The following ADGRB3 variants were observed in gnomAD, a reference collection of about 807,000 sequenced individuals.
ADGRB3 encodes the protein brain-specific angiogenesis inhibitor 3.
Under a neutral mutation model 193.4 loss-of-function variants are expected in ADGRB3, and 37 were observed. That is an observed-to-expected ratio of 0.19 (90% CI 0.15 to 0.25). ADGRB3 has a LOEUF of 0.25. Ranked by LOEUF, ADGRB3 falls within the 10% of genes least tolerant of loss-of-function variation. ADGRB3 has a pLI of 1.00. For missense variants in ADGRB3, 1,637 were observed against 1,852.9 expected, an observed-to-expected ratio of 0.88 and a Z score of 2.14; for synonymous variants, 690 against 644.2, an observed-to-expected ratio of 1.07 and a Z score of -1.08.
chr6:68,936,714 A>G lies in ADGRB3; in HGVS notation c.1030+34A>G, dbSNP rs747452133. ...AGCAGCAACTACAACTGTGGATGTT[A>G]TTGAATTGTGTCATGCTACGCATTT... is the stretch of plus-strand genomic sequence containing the variant. On this transcript the variant is annotated intron_variant, in intron 5 of 31. Coordinates refer to ENST00000370598, the MANE Select transcript of ADGRB3 (RefSeq NM_001704.3). 1.3e-6 allele frequency: 2 copies of G among 1,592,250 alleles called. 1 individual carries two copies. Among genetic ancestry groups the G allele is most frequent in the South Asian group, 2.3e-5 (2 of 88,444 alleles).
At chr6:68,822,866 TAAG>T (rs981698575) in intron 3 of ADGRB3, among the ~76,000 whole-genome samples, 4 of 152,010 alleles carry the variant, frequency 2.6e-5, no homozygotes, top group Non-Finnish European at 4.4e-5. Flanking sequence ...GCAATTCAGT[TAAG>T]AATCTTTGGA....
At chr6:69,362,753 A>G (rs958317258) in intron 29 of ADGRB3, among the ~76,000 whole-genome samples, 1 of 151,992 alleles carries the variant, frequency 6.6e-6, no homozygotes, top group Non-Finnish European at 1.5e-5. Context: ...CTTCTGAACA[A>G]AAGTATTTCA....
chr6:69,251,367 A>ATT (rs11378916), intron 20 of ADGRB3, among the ~76,000 whole-genome samples: 9 of 149,496 alleles, frequency 6.0e-5, no homozygotes, highest in Non-Finnish European at 8.9e-5. Flanking sequence ...CTAGGAACCC[A>ATT]TTTTTTTTTT....
intron 16 of ADGRB3, among the ~76,000 whole-genome samples, chr6:69,073,528 C>T (rs753430219): frequency 3.3e-5 from 5 of 152,100 alleles, no homozygotes; most frequent in Non-Finnish European, 4.4e-5. Flanking sequence ...CAGGGGCCCT[C>T]GGCAAAGCCA....
At chr6:68,674,742 A>C (rs532547578) in intron 3 of ADGRB3, among the ~76,000 whole-genome samples, 1 of 152,362 alleles carries the variant, frequency 6.6e-6, no homozygotes, top group East Asian at 1.9e-4. Flanking sequence ...AAAAGGAAGA[A>C]GAGAACGGCA....
chr6:69,218,258 A>G (rs1765814799), intron 17 of ADGRB3, among the ~76,000 whole-genome samples: 1 of 152,160 alleles, frequency 6.6e-6, no homozygotes, highest in Admixed American at 6.6e-5. Context: ...GGAGCTACTC[A>G]CATTTTAAAT....
At chr6:68,849,083 G>A (rs931468676) in intron 3 of ADGRB3, among the ~76,000 whole-genome samples, 1 of 151,948 alleles carries the variant, frequency 6.6e-6, no homozygotes, top group Non-Finnish European at 1.5e-5. Flanking sequence ...AAATGTTTGA[G>A]TTGTTTATTC....
At chr6:68,727,790 GTTGGGAATTA>G (rs1765700228) in intron 3 of ADGRB3, among the ~76,000 whole-genome samples, 1 of 151,464 alleles carries the variant, frequency 6.6e-6, no homozygotes, top group Admixed American at 6.6e-5. Context: ...GAAAACTGAT[GTTGGGAATTA>G]TTTGTGTGAA....
chr6:68,929,763 G>A (rs112459511), intron 3 of ADGRB3, among the ~76,000 whole-genome samples: 1 of 152,062 alleles, frequency 6.6e-6, no homozygotes, highest in Non-Finnish European at 1.5e-5. Flanking sequence ...TTAAAAATAT[G>A]TTATATGGAA....
intron 17 of ADGRB3, among the ~76,000 whole-genome samples, chr6:69,140,234 A>G (rs1436819589): frequency 6.6e-6 from 1 of 152,252 alleles, no homozygotes; most frequent in African/African-American, 2.4e-5. Context: ...ATAAGGTTAA[A>G]TATGACAGTT....
chr6:68,707,073 G>A (rs560566424), intron 3 of ADGRB3, among the ~76,000 whole-genome samples: 22 of 146,814 alleles, frequency 1.5e-4, no homozygotes, highest in African/African-American at 5.1e-4. Flanking sequence ...ATTGCACCAC[G>A]GCACTCCAGC....
chr6:68,953,018 A>T (rs1767975527), intron 6 of ADGRB3, among the ~76,000 whole-genome samples: 1 of 152,138 alleles, frequency 6.6e-6, no homozygotes, highest in Admixed American at 6.6e-5. Context: ...TAAAAGCCTG[A>T]GGAGCAAAAC....
At chr6:68,825,468 T>C (rs1226449171) in intron 3 of ADGRB3, among the ~76,000 whole-genome samples, 1 of 146,828 alleles carries the variant, frequency 6.8e-6, no homozygotes, top group East Asian at 3.4e-4. Flanking sequence ...ATATGTGTCA[T>C]GTGTAAGTAA....
intron 3 of ADGRB3, among the ~76,000 whole-genome samples, chr6:68,670,054 A>G (rs533152822): frequency 5.3e-5 from 8 of 152,026 alleles, no homozygotes; most frequent in African/African-American, 1.9e-4. Flanking sequence ...TCTGTTTGCC[A>G]TTTGTGTTCT....
At position 69,013,985 on chromosome 6, in the gene ADGRB3, AAAGTAT is replaced by A. The variant is rs1338486250; in HGVS notation, c.1930-50_1930-45del. ...AGTCAACCCAAATGGGTGTTATTAA[AAAGTAT>A]AATTCTCTCATGTAATATTAAATCT... On this transcript the variant is annotated intron_variant, in intron 11 of 31. Transcript: ENST00000370598. The A allele has an allele frequency of 2.3e-6, 3 of 1,290,066 alleles. No homozygotes were observed. The Admixed American group carries it at 6.5e-5, about 28-fold the overall frequency. The allele number at this position is 1,290,066 out of a possible 1,614,324, so 79.9% of individuals were successfully genotyped here.
intron 20 of ADGRB3, among the ~76,000 whole-genome samples, chr6:69,287,887 C>T (rs1434148255): frequency 6.6e-6 from 1 of 152,060 alleles, no homozygotes; most frequent in Non-Finnish European, 1.5e-5. Flanking sequence ...CAATAGCAGT[C>T]CTTCTTGTTT....
At chr6:68,967,025 A>G (rs1404871995) in intron 8 of ADGRB3, among the ~76,000 whole-genome samples, 2 of 152,204 alleles carry the variant, frequency 1.3e-5, no homozygotes, top group Non-Finnish European at 2.9e-5. Context: ...CTTTGATAAA[A>G]TAGTTAAAGC....
At chr6:69,269,277 G>A (rs1767118367) in intron 20 of ADGRB3, among the ~76,000 whole-genome samples, 2 of 152,060 alleles carry the variant, frequency 1.3e-5, no homozygotes, top group Admixed American at 6.6e-5. Context: ...TGTTCAGAAT[G>A]AAACCTGAAT....
intron 17 of ADGRB3, among the ~76,000 whole-genome samples, chr6:69,090,471 G>A (rs920938174): frequency 2.6e-5 from 4 of 152,172 alleles, no homozygotes; most frequent in African/African-American, 9.7e-5. Context: ...AACAACCATA[G>A]TGGATGAGGA....
Sources: gnomAD v4.1 joint callset for allele counts (sites outside exome capture counted in the v4.1 genomes callset) on GRCh38, gnomAD v4.1.1 for gene constraint, MANE v1.5 for transcripts, NCBI Gene and HGNC (gene_info 2026-07-23, HGNC 2026-07-21) for gene names.